The following NGEF variants were observed in gnomAD, a reference collection of about 807,000 sequenced individuals.
NGEF encodes ephexin-1.
NGEF carries 31 observed loss-of-function variants against 80.9 expected under a neutral mutation model. The ratio of observed to expected loss-of-function variants is 0.38; its 90% confidence interval spans 0.29 to 0.52. The LOEUF (loss-of-function observed/expected upper bound fraction) is 0.52, where lower values mean the gene tolerates loss of function less well. Among genes scored for constraint, NGEF ranks in the 20% least tolerant of loss-of-function variants. The probability of loss-of-function intolerance (pLI) is 0.84; values close to 1 mark genes in which losing one functional copy is unlikely to be tolerated. For missense variants in NGEF, 709 were observed against 926.2 expected (o/e 0.77, Z 3.04); for synonymous variants, 371 against 370.2 (o/e 1.00, Z -0.03).
chr2:233,013,183 C>T lies in NGEF; in HGVS notation c.-190G>A, dbSNP rs767666149. ...GTGTGTCCCCGGCTAAATCCACAGG[C>T]GCTCCACTCTGTCCCAGAGAGCCCA... On this transcript the variant is annotated 5_prime_UTR_variant, in exon 1 of 15. Coordinates refer to ENST00000264051, the MANE Select transcript of NGEF (RefSeq NM_019850.3). The T allele has an allele frequency of 2.8e-5, 13 of 471,130 alleles. No individual in the cohort carries two copies. Among genetic ancestry groups the T allele is most frequent in the East Asian group, 2.1e-4 (3 of 14,408 alleles). 29.2% of individuals were successfully genotyped at this position (471,130 alleles called of 1,614,324 possible).
At chr2:232,962,864 T>G (rs1693982162) in intron 3 of NGEF, among the ~76,000 whole-genome samples, 1 of 151,966 alleles carries the variant, frequency 6.6e-6, no homozygotes, top group South Asian at 2.1e-4. Context: ...CTCTTAATTT[T>G]TTTAAAAAAT....
chr2:232,979,601 C>A (rs564436420), intron 1 of NGEF, among the ~76,000 whole-genome samples: 41 of 152,306 alleles, frequency 2.7e-4, no homozygotes, highest in African/African-American at 9.1e-4. Flanking sequence ...AGACCCATGT[C>A]TTTCTATTCC....
At chr2:232,983,340 C>G (rs775374950) in intron 1 of NGEF, among the ~76,000 whole-genome samples, 1 of 151,940 alleles carries the variant, frequency 6.6e-6, no homozygotes, top group East Asian at 1.9e-4. Flanking sequence ...AGGAGGGTCC[C>G]CGAGCGGTGA....
chr2:232,897,510 C>T (rs931997320), intron 5 of NGEF, among the ~76,000 whole-genome samples: 5 of 152,244 alleles, frequency 3.3e-5, no homozygotes, highest in African/African-American at 9.6e-5. Flanking sequence ...CATTTGATGC[C>T]CGCCTGCAGG....
At chr2:233,012,980 T>TTCC (rs1695244653) in intron 1 of NGEF, 88 bp downstream of exon 1, 1 of 463,436 alleles carries the variant, frequency 2.2e-6, no homozygotes, top group Non-Finnish European at 4.5e-6. Flanking sequence ...GTAATCTCCT[T>TTCC]TCCTACCTGT....
At chr2:232,994,453 T>G (rs1694738466) in intron 1 of NGEF, among the ~76,000 whole-genome samples, 1 of 151,226 alleles carries the variant, frequency 6.6e-6, no homozygotes, top group East Asian at 1.9e-4. Context: ...TGGGGAAAAA[T>G]GTCAACTTAA....
intron 9 of NGEF, chr2:232,885,654 C>G: frequency 2.4e-6 from 1 of 422,486 alleles, no homozygotes; most frequent in Non-Finnish European, 4.4e-6. Context: ...ATCCCTCCTC[C>G]TCTGTAGGCT....
chr2:232,978,705 A>G (rs772597290), intron 1 of NGEF, among the ~76,000 whole-genome samples: 2 of 151,804 alleles, frequency 1.3e-5, no homozygotes, highest in African/African-American at 2.4e-5. Context: ...GCAACCACCA[A>G]TTAGAGTCTT....
intron 1 of NGEF, among the ~76,000 whole-genome samples, chr2:232,985,410 A>G (rs1694511567): frequency 1.3e-5 from 2 of 152,160 alleles, no homozygotes. Flanking sequence ...TGAGGTCAGG[A>G]GTTCAAGACC....
intron 3 of NGEF, 24 bp downstream of exon 3, chr2:232,970,190 T>G (rs780132637): frequency 2.9e-6 from 4 of 1,391,866 alleles, no homozygotes; most frequent in Non-Finnish European, 3.9e-6. Flanking sequence ...AGACCAGCAT[T>G]CCTCATGATC....
chr2:232,904,240 G>A (rs1692437554), intron 5 of NGEF, among the ~76,000 whole-genome samples: 1 of 152,110 alleles, frequency 6.6e-6, no homozygotes, highest in Non-Finnish European at 1.5e-5. Context: ...CCCCTGGAGA[G>A]CCTCACATCA....
intron 3 of NGEF, chr2:232,928,134 G>A (rs1250935518): frequency 1.0e-5 from 10 of 992,704 alleles, no homozygotes; most frequent in Non-Finnish European, 1.2e-5. Flanking sequence ...AGCCGCCGCC[G>A]CCACCGCTGC....
intron 8 of NGEF, among the ~76,000 whole-genome samples, chr2:232,888,555 A>G (rs1436657842): frequency 7.2e-6 from 1 of 138,726 alleles, no homozygotes. Context: ...ATACATGCAT[A>G]CCTGCACACA....
intron 1 of NGEF, among the ~76,000 whole-genome samples, chr2:232,999,808 C>T (rs1443304713): frequency 6.6e-6 from 1 of 152,258 alleles, no homozygotes; most frequent in Non-Finnish European, 1.5e-5. Context: ...TGTGCAGGGG[C>T]TGGCATGACA....
chr2:232,915,963 T>A (rs1040577243), intron 5 of NGEF, among the ~76,000 whole-genome samples: 2 of 152,202 alleles, frequency 1.3e-5, no homozygotes, highest in African/African-American at 4.8e-5. Flanking sequence ...AATGCTAGGA[T>A]TACAGGCAAG....
Position 232,897,021 on chromosome 2 carries a change from T to G in NGEF, c.829-2105A>C, listed in dbSNP as rs1311308294. Among the ~76,000 whole-genome samples, 64 of 97,992 alleles carry G rather than the reference T, an allele frequency of 6.5e-4. 1 individual carries two copies. Among genetic ancestry groups the G allele is most frequent in the African/African-American group, 2.5e-3 (60 of 24,418 alleles). 64.3% of individuals were successfully genotyped at this position (97,992 alleles called of 152,430 possible). On this transcript the variant is annotated intron_variant, in intron 5 of 14. Coordinates refer to ENST00000264051, the MANE Select transcript of NGEF (RefSeq NM_019850.3). ...GTGCGGGTGAGGGTAGGGGCGAGTG[T>G]GGGGGTAGGAGTGGGGGTGAGGTTA...
At chr2:232,998,713 G>T (rs1233916492) in intron 1 of NGEF, among the ~76,000 whole-genome samples, 1 of 152,106 alleles carries the variant, frequency 6.6e-6, no homozygotes, top group Non-Finnish European at 1.5e-5. Flanking sequence ...GGTGTCTCCT[G>T]TTTCTTGTGC....
chr2:232,891,105 C>T lies in NGEF; in HGVS notation c.1272+253G>A, dbSNP rs954059127. On this transcript the variant is annotated intron_variant, in intron 8 of 14. Transcript: ENST00000264051. Reference sequence around the variant, plus strand: ...GCAGTGGCCAGCCAGCCACCCCTGTCGTGTCGGCCCATTTGGCTGTCCCCA... The same window carrying T: ...GCAGTGGCCAGCCAGCCACCCCTGTTGTGTCGGCCCATTTGGCTGTCCCCA... The T allele has an allele frequency of 2.3e-5, 13 of 573,774 alleles. No individual in the cohort carries two copies. The East Asian group carries it at 2.8e-4, about 12-fold the overall frequency. 35.5% of individuals were successfully genotyped at this position (573,774 alleles called of 1,614,324 possible).
intron 5 of NGEF, among the ~76,000 whole-genome samples, chr2:232,919,364 G>A (rs535408615): frequency 6.6e-6 from 1 of 152,296 alleles, no homozygotes; most frequent in East Asian, 1.9e-4. Flanking sequence ...AGGTGAGTGC[G>A]GTGGGAGTGA....
Sources: allele counts gnomAD v4.1 joint callset (sites outside exome capture counted in the v4.1 genomes callset), GRCh38; gene constraint gnomAD v4.1.1; transcripts MANE v1.5; gene names NCBI Gene and HGNC (gene_info 2026-07-23, HGNC 2026-07-21).